NCOR1: variants seen among roughly 807,000 people sequenced by gnomAD.
The protein encoded by NCOR1 is protein phosphatase 1, regulatory subunit 109.
A neutral mutation model predicts 288.1 loss-of-function variants in NCOR1; 63 were observed. The observed-to-expected ratio is 0.22, with a 90% CI of 0.18 to 0.27. The LOEUF is 0.27. Among genes scored for constraint, NCOR1 ranks in the 10% least tolerant of loss-of-function variants. NCOR1 has a pLI of 1.00. For missense variants in NCOR1, 2,397 were observed against 3,019.2 expected, an observed-to-expected ratio of 0.79 and a Z score of 4.83; for synonymous variants, 1,007 against 1,065.9, an observed-to-expected ratio of 0.94 and a Z score of 1.08.
intron 44 of NCOR1, among the ~76,000 whole-genome samples, chr17:16,036,658 AC>A (rs1290931827): frequency 2.6e-5 from 4 of 152,292 alleles, no homozygotes; most frequent in Admixed American, 2.6e-4. Flanking sequence ...GGCTTCTTCA[AC>A]CTCTGAATGG....
At chr17:16,169,062 T>G (rs1396241301) in intron 4 of NCOR1, among the ~76,000 whole-genome samples, 2 of 152,138 alleles carry the variant, frequency 1.3e-5, no homozygotes, top group Non-Finnish European at 2.9e-5. Context: ...ATTTAATCAA[T>G]GAACTTTATT....
chr17:16,091,753 A>T, intron 22 of NCOR1, 110 bp downstream of exon 22: 1 of 1,558,700 alleles, frequency 6.4e-7, no homozygotes, highest in Non-Finnish European at 8.7e-7. Flanking sequence ...GGACAAATAT[A>T]ATAATCAGTT....
chr17:16,075,446 C>G, intron 27 of NCOR1, 88 bp downstream of exon 27: 1 of 1,422,630 alleles, frequency 7.0e-7, no homozygotes, highest in Non-Finnish European at 9.7e-7. Flanking sequence ...TAAACTGACT[C>G]CCAGAGAGCA....
intron 2 of NCOR1, among the ~76,000 whole-genome samples, chr17:16,194,202 G>A (rs1200291302): frequency 1.3e-5 from 2 of 152,092 alleles, no homozygotes; most frequent in Non-Finnish European, 2.9e-5. Context: ...AAATTCTAGA[G>A]AATTGGTAAG....
intron 13 of NCOR1, 127 bp from the exon 14 acceptor site, chr17:16,137,539 T>C (rs1305360216): frequency 5.7e-6 from 3 of 522,000 alleles, no homozygotes; most frequent in Admixed American, 3.8e-5. Context: ...ACAACATACA[T>C]TGCTAGCATT....
At chr17:16,198,598 T>C (rs1290817875) in intron 1 of NCOR1, 1 of 150,942 alleles carries the variant, frequency 6.6e-6, no homozygotes, top group African/African-American at 2.4e-5. Flanking sequence ...TGGTGGCACA[T>C]GCCTGTAATC....
intron 26 of NCOR1, among the ~76,000 whole-genome samples, chr17:16,077,567 GA>G (rs1187848457): frequency 2.6e-4 from 9 of 34,028 alleles, no homozygotes; most frequent in African/African-American, 5.6e-4. Flanking sequence ...GAGGGGAGGA[GA>G]GGGGGGAGGG....
intron 3 of NCOR1, among the ~76,000 whole-genome samples, chr17:16,181,211 A>ATGTATGTATGTATGTGTGTG (rs758395387): frequency 1.4e-5 from 2 of 139,580 alleles, no homozygotes; most frequent in South Asian, 2.4e-4. Flanking sequence ...ATATATATGT[A>ATGTATGTATGTATGTGTGTG]TGTGTGTGTG....
intron 2 of NCOR1, among the ~76,000 whole-genome samples, chr17:16,188,382 C>T (rs1175271915): frequency 6.6e-6 from 1 of 151,964 alleles, no homozygotes; most frequent in Non-Finnish European, 1.5e-5. Context: ...GAGGCCAAAG[C>T]GGGCAGATCA....
chr17:16,144,394 A>G (rs2077558765), intron 10 of NCOR1, among the ~76,000 whole-genome samples: 1 of 152,236 alleles, frequency 6.6e-6, no homozygotes, highest in African/African-American at 2.4e-5. Flanking sequence ...TAAATTTACT[A>G]AGACATAATG....
At chr17:16,092,673 ATATATATATATATATATATATATT>A (rs2065476244) in intron 21 of NCOR1, among the ~76,000 whole-genome samples, 1 of 16,316 alleles carries the variant, frequency 6.1e-5, no homozygotes, top group Middle Eastern at 0.018. Flanking sequence ...ATATATATAT[ATATATATATATATATATATATATT>A]TTTTTTTTTT....
intron 19 of NCOR1, among the ~76,000 whole-genome samples, chr17:16,106,005 C>G (rs968248803): frequency 6.6e-6 from 1 of 152,090 alleles, no homozygotes; most frequent in Non-Finnish European, 1.5e-5. Flanking sequence ...GAGGCTGAGG[C>G]AGGGGAATTG....
At chr17:16,181,211 A>ATGTGTG (rs61215793) in intron 3 of NCOR1, among the ~76,000 whole-genome samples, 8,905 of 139,284 alleles carry the variant, frequency 0.064, 367 homozygotes, top group East Asian at 0.14. Context: ...ATATATATGT[A>ATGTGTG]TGTGTGTGTG....
chr17:16,089,482 T>C (rs1345272682), intron 22 of NCOR1, among the ~76,000 whole-genome samples: 6 of 152,218 alleles, frequency 3.9e-5, no homozygotes, highest in South Asian at 2.1e-4. Context: ...GGAAAAGCTT[T>C]AAGCAACTTA....
At chr17:16,166,321 C>T (rs1000873158) in intron 4 of NCOR1, among the ~76,000 whole-genome samples, 4 of 152,158 alleles carry the variant, frequency 2.6e-5, no homozygotes, top group African/African-American at 9.7e-5. Flanking sequence ...GTTTATGATT[C>T]CTCTCTTAAG....
intron 17 of NCOR1, 104 bp from the exon 18 acceptor site, chr17:16,118,131 C>G (rs926636452): frequency 1.7e-6 from 2 of 1,170,826 alleles, no homozygotes; most frequent in South Asian, 3.4e-5. Context: ...ACCATTGACA[C>G]TAGAAGTGTG....
intron 18 of NCOR1, among the ~76,000 whole-genome samples, chr17:16,111,525 C>T (rs1438939675): frequency 2.6e-5 from 4 of 151,988 alleles, no homozygotes; most frequent in African/African-American, 7.3e-5. Context: ...TCGCTTGAGC[C>T]CAGGAGGCAG....
chr17:16,043,658 A>G (rs2152105079), intron 42 of NCOR1, among the ~76,000 whole-genome samples: 1 of 152,356 alleles, frequency 6.6e-6, no homozygotes, highest in South Asian at 2.1e-4. Context: ...GGTAAGACAA[A>G]GACTACAGAA....
intron 3 of NCOR1, among the ~76,000 whole-genome samples, chr17:16,172,896 G>C (rs1343500587): frequency 1.3e-5 from 2 of 152,258 alleles, no homozygotes; most frequent in South Asian, 2.1e-4. Flanking sequence ...ATTGAAAACA[G>C]AATTGCTGGG....
Sources: allele counts gnomAD v4.1 joint callset (sites outside exome capture counted in the v4.1 genomes callset), GRCh38; gene constraint gnomAD v4.1.1; transcripts MANE v1.5; gene names NCBI Gene and HGNC (gene_info 2026-07-23, HGNC 2026-07-21).